The following TAOK3 variants were observed in gnomAD, a reference collection of about 807,000 sequenced individuals.
TAOK3 encodes TAO kinase 3.
Under a neutral mutation model 120.4 loss-of-function variants are expected in TAOK3, and 40 were observed. That is an observed-to-expected ratio of 0.33 (90% CI 0.26 to 0.43). The LOEUF (loss-of-function observed/expected upper bound fraction) is 0.43, where lower values mean the gene tolerates loss of function less well. Ranked by LOEUF, TAOK3 falls within the 20% of genes least tolerant of loss-of-function variation. The pLI, the probability that TAOK3 is intolerant of heterozygous loss-of-function variation, is 1.00. For missense variants in TAOK3, 821 were observed against 1,112.1 expected (o/e 0.74, Z 3.72); for synonymous variants, 355 against 387.5 (o/e 0.92, Z 0.99).
intron 3 of TAOK3, among the ~76,000 whole-genome samples, chr12:118,249,077 T>G (rs1043682523): frequency 6.0e-4 from 91 of 152,326 alleles, no homozygotes; most frequent in African/African-American, 2.2e-3. Flanking sequence ...CCTCTATCAT[T>G]TCAAGTTTTA....
intron 1 of TAOK3, among the ~76,000 whole-genome samples, chr12:118,285,594 C>T (rs2042240196): frequency 6.6e-6 from 1 of 152,142 alleles, no homozygotes; most frequent in Admixed American, 6.5e-5. Flanking sequence ...CTCAGGTGAT[C>T]CACCTGCCTT....
chr12:118,214,944 C>T (rs947095360), intron 9 of TAOK3, among the ~76,000 whole-genome samples: 31 of 151,760 alleles, frequency 2.0e-4, no homozygotes, highest in Non-Finnish European at 4.0e-4. Flanking sequence ...GGGGTTTCTC[C>T]ACGTTGGTCA....
chr12:118,360,675 A>G (rs2141296697), intron 1 of TAOK3, among the ~76,000 whole-genome samples: 1 of 152,364 alleles, frequency 6.6e-6, no homozygotes, highest in East Asian at 1.9e-4. Context: ...ATAATGAACA[A>G]AATAAAGTCC....
intron 15 of TAOK3, among the ~76,000 whole-genome samples, chr12:118,178,624 A>AT (rs1333330782): frequency 6.6e-6 from 1 of 151,942 alleles, no homozygotes; most frequent in Non-Finnish European, 1.5e-5. Context: ...CATCCACCTA[A>AT]TTTTTGTATT....
chr12:118,259,584 G>A (rs2140197344), intron 2 of TAOK3, among the ~76,000 whole-genome samples: 1 of 152,210 alleles, frequency 6.6e-6, no homozygotes, highest in African/African-American at 2.4e-5. Context: ...ACATATAAAT[G>A]ATGGTATTTG....
chr12:118,224,675 C>A (rs1165795552), intron 9 of TAOK3, among the ~76,000 whole-genome samples: 1 of 152,096 alleles, frequency 6.6e-6, no homozygotes, highest in African/African-American at 2.4e-5. Context: ...GATCAATTTA[C>A]CCAAAGATAA....
At chr12:118,170,280 T>C (rs2035918056) in intron 17 of TAOK3, among the ~76,000 whole-genome samples, 1 of 152,138 alleles carries the variant, frequency 6.6e-6, no homozygotes, top group Non-Finnish European at 1.5e-5. Context: ...TGTATCTGTT[T>C]ATGCACTGTG....
chr12:118,292,131 C>T (rs750781414), intron 1 of TAOK3, among the ~76,000 whole-genome samples: 16 of 152,132 alleles, frequency 1.1e-4, no homozygotes, highest in Non-Finnish European at 2.1e-4. Context: ...TTTAATCCTG[C>T]TATACAATAT....
chr12:118,368,478 G>T (rs2045804405), intron 1 of TAOK3, among the ~76,000 whole-genome samples: 1 of 150,428 alleles, frequency 6.6e-6, no homozygotes, highest in Non-Finnish European at 1.5e-5. Flanking sequence ...GATTACAGGC[G>T]TGAGCCACCG....
At chr12:118,323,800 G>T (rs1445874896) in intron 1 of TAOK3, among the ~76,000 whole-genome samples, 1 of 152,102 alleles carries the variant, frequency 6.6e-6, no homozygotes, top group Non-Finnish European at 1.5e-5. Context: ...TTTCACTGTG[G>T]TCTGGAGCAG....
chr12:118,354,033 A>C (rs2045292010), intron 1 of TAOK3, among the ~76,000 whole-genome samples: 1 of 152,244 alleles, frequency 6.6e-6, no homozygotes, highest in Non-Finnish European at 1.5e-5. Flanking sequence ...TAACTGACCC[A>C]ATACAAGATA....
intron 20 of TAOK3, 34 bp downstream of exon 20, chr12:118,152,193 C>T (rs2034496863): frequency 6.3e-7 from 1 of 1,596,472 alleles, no homozygotes. Flanking sequence ...CCCTTCCACC[C>T]AGTGGCACCG....
chr12:118,239,940 G>A lies in TAOK3; in HGVS notation c.295-668C>T, dbSNP rs946240546. Reference sequence around the variant, plus strand: ...CCAGCACTTTGGGAGGCTGAGGCAGGTGGATCACCTGAGGCCAGGAGTTCA... The same window carrying A: ...CCAGCACTTTGGGAGGCTGAGGCAGATGGATCACCTGAGGCCAGGAGTTCA... On this transcript the variant is annotated intron_variant, in intron 5 of 20. Coordinates refer to ENST00000392533, the MANE Select transcript of TAOK3 (RefSeq NM_016281.4). 4.6e-5 allele frequency among the ~76,000 whole-genome samples: 7 copies of A among 152,232 alleles called. No individual in the cohort carries two copies. The East Asian group carries it at 1.4e-3, about 30-fold the overall frequency.
intron 1 of TAOK3, among the ~76,000 whole-genome samples, chr12:118,308,051 G>A (rs1042884690): frequency 1.4e-4 from 21 of 151,840 alleles, no homozygotes; most frequent in African/African-American, 4.8e-4. Flanking sequence ...CTAAGTCACA[G>A]GATGGGATAG....
intron 6 of TAOK3, 40 bp from the exon 7 acceptor site, chr12:118,238,209 T>C (rs1046803737): frequency 4.8e-6 from 6 of 1,240,180 alleles, no homozygotes; most frequent in Non-Finnish European, 7.1e-6. Flanking sequence ...GATGATCAGT[T>C]TCATTCCTCA....
chr12:118,173,014 T>C (rs1188216699), intron 16 of TAOK3, among the ~76,000 whole-genome samples: 1 of 152,198 alleles, frequency 6.6e-6, no homozygotes, highest in African/African-American at 2.4e-5. Context: ...GTCTTTATTA[T>C]AGAATCAAAA....
chr12:118,217,178 T>A (rs1291092317), intron 9 of TAOK3, among the ~76,000 whole-genome samples: 1 of 152,104 alleles, frequency 6.6e-6, no homozygotes, highest in Non-Finnish European at 1.5e-5. Flanking sequence ...GAGGTGAAGT[T>A]ATAGAAAAGA....
intron 13 of TAOK3, among the ~76,000 whole-genome samples, chr12:118,197,682 C>CTTTTTTTTT: frequency 1.1e-5 from 1 of 90,780 alleles, no homozygotes; most frequent in Non-Finnish European, 2.0e-5. Flanking sequence ...GCAAAACCTT[C>CTTTTTTTTT]TTTTTTTTTT....
chr12:118,198,838 G>A (rs1281279114), intron 13 of TAOK3: 2 of 575,602 alleles, frequency 3.5e-6, no homozygotes, highest in Non-Finnish European at 6.2e-6. Context: ...ATGGACATCA[G>A]AGTAATGAGA....
Sources: allele counts gnomAD v4.1 joint callset (sites outside exome capture counted in the v4.1 genomes callset), GRCh38; gene constraint gnomAD v4.1.1; transcripts MANE v1.5; gene names NCBI Gene and HGNC (gene_info 2026-07-23, HGNC 2026-07-21).